The following WWC2 variants were observed in gnomAD, a reference collection of about 807,000 sequenced individuals.
The protein encoded by WWC2 is protein WWC2.
Under a neutral mutation model 138.5 loss-of-function variants are expected in WWC2, and 101 were observed. The ratio of observed to expected loss-of-function variants is 0.73; its 90% confidence interval spans 0.62 to 0.86. The LOEUF (loss-of-function observed/expected upper bound fraction) is 0.86. WWC2 is among the 40% of genes least tolerant of loss of function. The pLI, the probability that WWC2 is intolerant of heterozygous loss-of-function variation, is 0.00. For synonymous variants in WWC2, 558 were observed against 538.4 expected, an observed-to-expected ratio of 1.04 and a Z score of -0.50; for missense variants, 1,420 against 1,419.4, an observed-to-expected ratio of 1.00 and a Z score of -0.01.
At chr4:183,279,708 A>G (rs1167593258) in intron 16 of WWC2, among the ~76,000 whole-genome samples, 1 of 151,676 alleles carries the variant, frequency 6.6e-6, no homozygotes, top group Non-Finnish European at 1.5e-5. Flanking sequence ...GTCTTGGGAG[A>G]GTGTATGTGT....
At chr4:183,282,445 CTA>C (rs777412145) in intron 17 of WWC2, among the ~76,000 whole-genome samples, 38 of 152,050 alleles carry the variant, frequency 2.5e-4, no homozygotes, top group Non-Finnish European at 5.0e-4. Context: ...CAGAATATGT[CTA>C]TTTTGATATC....
chr4:183,205,401 G>T (rs1371576460), intron 2 of WWC2, among the ~76,000 whole-genome samples: 1 of 152,134 alleles, frequency 6.6e-6, no homozygotes, highest in Non-Finnish European at 1.5e-5. Flanking sequence ...CTATTCTGTT[G>T]CAACATAGCT....
At chr4:183,299,248 T>C (rs1738740953) in intron 21 of WWC2, among the ~76,000 whole-genome samples, 1 of 152,016 alleles carries the variant, frequency 6.6e-6, no homozygotes, top group South Asian at 2.1e-4. Context: ...CCTACTCACC[T>C]CTCAAAGGTC....
intron 21 of WWC2, among the ~76,000 whole-genome samples, chr4:183,298,100 T>TTGAA (rs1738700150): frequency 1.3e-5 from 2 of 152,232 alleles, no homozygotes. Flanking sequence ...GGTCTCTTAT[T>TTGAA]CAGAATGAGA....
chr4:183,216,398 T>G (rs1172843885), intron 4 of WWC2, among the ~76,000 whole-genome samples: 1 of 152,158 alleles, frequency 6.6e-6, no homozygotes, highest in Non-Finnish European at 1.5e-5. Context: ...AAGGTGATAT[T>G]GGTGAAATAG....
At chr4:183,254,422 C>T (rs577192360) in intron 9 of WWC2, among the ~76,000 whole-genome samples, 2 of 152,332 alleles carry the variant, frequency 1.3e-5, no homozygotes, top group South Asian at 4.1e-4. Flanking sequence ...AGCTTCCTCC[C>T]TGTGATACCC....
intron 6 of WWC2, among the ~76,000 whole-genome samples, chr4:183,246,746 T>C (rs114272783): frequency 6.6e-6 from 1 of 152,362 alleles, no homozygotes; most frequent in African/African-American, 2.4e-5. Context: ...CCAGGCAGTC[T>C]GGGTTAACGT....
intron 21 of WWC2, among the ~76,000 whole-genome samples, chr4:183,311,262 C>T (rs1739206408): frequency 1.3e-5 from 2 of 152,150 alleles, no homozygotes; most frequent in African/African-American, 2.4e-5. Context: ...TTCATTATTA[C>T]TAACAGATGA....
chr4:183,287,369 G>A (rs80202922), intron 20 of WWC2, among the ~76,000 whole-genome samples: 12,977 of 152,168 alleles, frequency 0.085, 716 homozygotes, highest in South Asian at 0.17. Flanking sequence ...TGAATGAAAA[G>A]TCTTCTCAAC....
intron 1 of WWC2, among the ~76,000 whole-genome samples, chr4:183,150,634 CTCG>C (rs1220220801): frequency 6.6e-6 from 1 of 152,114 alleles, no homozygotes; most frequent in African/African-American, 2.4e-5. Context: ...CGCCCATTAA[CTCG>C]TCATTTACAT....
At chr4:183,268,318 T>C (rs1737574630) in intron 14 of WWC2, among the ~76,000 whole-genome samples, 1 of 152,178 alleles carries the variant, frequency 6.6e-6, no homozygotes, top group Admixed American at 6.5e-5. Flanking sequence ...CACTTTAAGG[T>C]AGTATTAGAA....
chr4:183,303,452 A>G (rs1738923300), intron 21 of WWC2, among the ~76,000 whole-genome samples: 1 of 152,202 alleles, frequency 6.6e-6, no homozygotes, highest in Non-Finnish European at 1.5e-5. Context: ...GCATACCTAC[A>G]AGAGGGAGTC....
rs1311033007 is a variant in WWC2, at chr4:183,317,558, G to A, written c.*1829G>A. On this transcript the variant is annotated 3_prime_UTR_variant, in exon 23 of 23. Transcript: ENST00000403733. ...AAGTTTATTTAATGTAGAGGTAAAT[G>A]AAGGTGAGCTGTTTTCAGCATCTTA... 1.3e-5 allele frequency: 2 copies of A among 152,622 alleles called. No homozygotes were observed. Among genetic ancestry groups the A allele is most frequent in the African/African-American group, 2.4e-5 (1 of 41,452 alleles). The allele number at this position is 152,622 out of a possible 1,614,324, so 9.5% of individuals were successfully genotyped here.
At chr4:183,193,084 T>C (rs1735036128) in intron 1 of WWC2, among the ~76,000 whole-genome samples, 1 of 152,208 alleles carries the variant, frequency 6.6e-6, no homozygotes, top group Non-Finnish European at 1.5e-5. Flanking sequence ...GACTGTTATG[T>C]ACAAGATACT....
At chr4:183,246,407 A>G (rs1486321514) in intron 6 of WWC2, among the ~76,000 whole-genome samples, 2 of 152,240 alleles carry the variant, frequency 1.3e-5, no homozygotes, top group Non-Finnish European at 2.9e-5. Flanking sequence ...TTTAAATACC[A>G]TATTTAACTA....
chr4:183,209,064 T>G, intron 4 of WWC2, 39 bp downstream of exon 4: 1 of 1,399,378 alleles, frequency 7.1e-7, no homozygotes, highest in Non-Finnish European at 9.9e-7. Flanking sequence ...TTGACCCATA[T>G]GCATAGAGTC....
At chr4:183,268,690 G>A (rs1376404363) in intron 14 of WWC2, among the ~76,000 whole-genome samples, 2 of 152,158 alleles carry the variant, frequency 1.3e-5, no homozygotes. Context: ...CTGCCCTACG[G>A]ATTTTCTTCC....
intron 1 of WWC2, among the ~76,000 whole-genome samples, chr4:183,140,065 G>A (rs1007592442): frequency 6.6e-6 from 1 of 152,226 alleles, no homozygotes; most frequent in East Asian, 1.9e-4. Flanking sequence ...GCCTGCCTCT[G>A]CCTTACAAAG....
chr4:183,293,003 T>C (rs1280713801), intron 21 of WWC2, among the ~76,000 whole-genome samples: 1 of 152,258 alleles, frequency 6.6e-6, no homozygotes, highest in Non-Finnish European at 1.5e-5. Context: ...TTACCCAGGC[T>C]GGGGTGCAGT....
Sources: gnomAD v4.1 joint callset for allele counts (sites outside exome capture counted in the v4.1 genomes callset) on GRCh38, gnomAD v4.1.1 for gene constraint, MANE v1.5 for transcripts, NCBI Gene and HGNC (gene_info 2026-07-23, HGNC 2026-07-21) for gene names.